Variants in CPNE4 observed in about 807,000 individuals in gnomAD.
CPNE4 encodes copine-4.
A neutral mutation model predicts 67.9 loss-of-function variants in CPNE4; 25 were observed. The ratio of observed to expected loss-of-function variants is 0.37; its 90% confidence interval spans 0.27 to 0.51. The LOEUF (loss-of-function observed/expected upper bound fraction) is 0.51, where lower values mean the gene tolerates loss of function less well. Among genes scored for constraint, CPNE4 ranks in the 20% least tolerant of loss-of-function variants. The probability of loss-of-function intolerance (pLI) is 0.93; values close to 1 mark genes in which losing one functional copy is unlikely to be tolerated. For synonymous variants in CPNE4, 242 were observed against 244.9 expected (o/e 0.99, Z 0.11); for missense variants, 464 against 690.8 (o/e 0.67, Z 3.68).
At chr3:131,581,053 G>T (rs982978050) in intron 9 of CPNE4, among the ~76,000 whole-genome samples, 8 of 151,360 alleles carry the variant, frequency 5.3e-5, no homozygotes, top group Admixed American at 6.6e-5. Context: ...GGCACCTGTA[G>T]TCCCAGCTAG....
chr3:131,760,582 T>A (rs2082860903), intron 2 of CPNE4, among the ~76,000 whole-genome samples: 1 of 152,144 alleles, frequency 6.6e-6, no homozygotes. Context: ...CTTTTCCCCA[T>A]TTTTTTCTCC....
chr3:131,759,560 C>G (rs890322101), intron 2 of CPNE4, among the ~76,000 whole-genome samples: 3 of 151,986 alleles, frequency 2.0e-5, no homozygotes, highest in Non-Finnish European at 4.4e-5. Flanking sequence ...AGCCCTTAGG[C>G]CAAGCAAGAA....
At chr3:131,682,968 G>A (rs1376447715) in intron 6 of CPNE4, among the ~76,000 whole-genome samples, 2 of 152,010 alleles carry the variant, frequency 1.3e-5, no homozygotes, top group Non-Finnish European at 2.9e-5. Context: ...GTTCACTCAG[G>A]GCCCAAATAT....
intron 1 of CPNE4, among the ~76,000 whole-genome samples, chr3:131,940,677 A>G (rs1171171348): frequency 6.6e-6 from 1 of 152,058 alleles, no homozygotes; most frequent in Non-Finnish European, 1.5e-5. Flanking sequence ...CTTATGAGGT[A>G]ACTCTCTCTT....
At chr3:131,594,246 G>T (rs1332629414) in intron 7 of CPNE4, among the ~76,000 whole-genome samples, 2 of 152,132 alleles carry the variant, frequency 1.3e-5, no homozygotes, top group African/African-American at 4.8e-5. Context: ...TAGCCAAAAT[G>T]ATCTTGAGAA....
chr3:131,714,223 C>G (rs1394974013), intron 3 of CPNE4, among the ~76,000 whole-genome samples: 1 of 152,138 alleles, frequency 6.6e-6, no homozygotes, highest in Non-Finnish European at 1.5e-5. Flanking sequence ...CAGTGTTCAG[C>G]AACCTGGCTC....
At chr3:131,775,951 C>T (rs954836666) in intron 2 of CPNE4, among the ~76,000 whole-genome samples, 11 of 152,164 alleles carry the variant, frequency 7.2e-5, no homozygotes, top group Non-Finnish European at 1.0e-4. Flanking sequence ...AGGCCCCTGG[C>T]TTCCTAAGCC....
At chr3:131,758,514 A>T (rs1047751754) in intron 2 of CPNE4, among the ~76,000 whole-genome samples, 5 of 152,166 alleles carry the variant, frequency 3.3e-5, no homozygotes, top group Admixed American at 1.3e-4. Context: ...ACAGGCTCAT[A>T]GGCGGAAGGG....
chr3:131,901,568 G>T (rs1318417211), intron 2 of CPNE4, among the ~76,000 whole-genome samples: 1 of 152,006 alleles, frequency 6.6e-6, no homozygotes, highest in Non-Finnish European at 1.5e-5. Context: ...TTCCGGCCAG[G>T]CATGATGGCT....
At chr3:131,726,724 G>T (rs377349935) in intron 2 of CPNE4, among the ~76,000 whole-genome samples, 1 of 126,964 alleles carries the variant, frequency 7.9e-6, no homozygotes. Context: ...AACTGGGGGG[G>T]GCGGGGGGGC....
chr3:131,721,669 A>G (rs745772210), intron 3 of CPNE4, among the ~76,000 whole-genome samples: 15 of 152,152 alleles, frequency 9.9e-5, no homozygotes, highest in Non-Finnish European at 2.1e-4. Flanking sequence ...TGCTAGGATT[A>G]CTGGTGTGAG....
Position 131,874,605 on chromosome 3 carries a change from T to C in CPNE4, c.180+30659A>G, listed in dbSNP as rs569605247. Among the ~76,000 whole-genome samples, 16 of 152,332 alleles carry C rather than the reference T, an allele frequency of 1.1e-4. No individual in the cohort carries two copies. In the South Asian group the frequency reaches 3.3e-3, roughly 32 times the overall value. On this transcript the variant is annotated intron_variant, in intron 2 of 15. Coordinates refer to ENST00000429747, the MANE Select transcript of CPNE4 (RefSeq NM_130808.3). ...GACTTCACAACTTTGCTGTAGAGATTAAATGAATTTATGTATCTGAACATT... is the reference window on the plus strand; with the variant it reads ...GACTTCACAACTTTGCTGTAGAGATCAAATGAATTTATGTATCTGAACATT...
intron 1 of CPNE4, among the ~76,000 whole-genome samples, chr3:132,014,034 T>G (rs1195750197): frequency 6.6e-6 from 1 of 152,152 alleles, no homozygotes; most frequent in Non-Finnish European, 1.5e-5. Context: ...AGCCAAATTG[T>G]GCATAATTAT....
intron 6 of CPNE4, among the ~76,000 whole-genome samples, chr3:131,682,956 A>G (rs1411551949): frequency 1.3e-5 from 2 of 151,890 alleles, no homozygotes; most frequent in Non-Finnish European, 2.9e-5. Context: ...CCTACCACCA[A>G]CGTTCACTCA....
At chr3:131,645,352 A>T (rs2079640400) in intron 7 of CPNE4, among the ~76,000 whole-genome samples, 1 of 152,190 alleles carries the variant, frequency 6.6e-6, no homozygotes, top group Non-Finnish European at 1.5e-5. Flanking sequence ...CAGAGAACAC[A>T]AGTATGTTTC....
intron 2 of CPNE4, among the ~76,000 whole-genome samples, chr3:131,733,025 A>G (rs1205388679): frequency 1.3e-5 from 2 of 152,218 alleles, no homozygotes; most frequent in Non-Finnish European, 2.9e-5. Context: ...ACCACTTTAC[A>G]TACCTTATTC....
At chr3:131,888,667 A>G (rs916683179) in intron 2 of CPNE4, among the ~76,000 whole-genome samples, 2 of 152,200 alleles carry the variant, frequency 1.3e-5, no homozygotes, top group African/African-American at 4.8e-5. Context: ...GAAGGTTATC[A>G]GTATGGCTTC....
intron 2 of CPNE4, among the ~76,000 whole-genome samples, chr3:131,839,745 GA>G (rs79837158): frequency 0.25 from 38,019 of 151,818 alleles, 4,947 homozygotes; most frequent in East Asian, 0.36. Context: ...GTTATAAAAA[GA>G]AAAAAAGACT....
At chr3:131,890,852 G>A (rs566768995) in intron 2 of CPNE4, among the ~76,000 whole-genome samples, 2 of 152,064 alleles carry the variant, frequency 1.3e-5, no homozygotes, top group Non-Finnish European at 2.9e-5. Flanking sequence ...CCAGTCACAG[G>A]ACAAACACTG....
Sources: allele counts gnomAD v4.1 joint callset (sites outside exome capture counted in the v4.1 genomes callset), GRCh38; gene constraint gnomAD v4.1.1; transcripts MANE v1.5; gene names NCBI Gene and HGNC (gene_info 2026-07-23, HGNC 2026-07-21).